Variants in KCTD8 observed in about 807,000 individuals in gnomAD.
KCTD8 encodes the protein potassium channel tetramerization domain containing 8.
In KCTD8, 27 loss-of-function variants were observed where a neutral mutation model predicts 31.5. The observed-to-expected ratio is 0.86, with a 90% CI of 0.63 to 1.18. The LOEUF (loss-of-function observed/expected upper bound fraction) is 1.18, where lower values mean the gene tolerates loss of function less well. KCTD8 is among the 50% of genes most tolerant of loss of function. The probability of loss-of-function intolerance (pLI) is 0.00; values close to 1 mark genes in which losing one functional copy is unlikely to be tolerated. For synonymous variants in KCTD8, 290 were observed against 280.0 expected (o/e 1.04, Z -0.36); for missense variants, 658 against 647.7 (o/e 1.02, Z -0.17).
At chr4:44,385,503 AAAAG>A (rs1272283177) in intron 1 of KCTD8, among the ~76,000 whole-genome samples, 1 of 151,724 alleles carries the variant, frequency 6.6e-6, no homozygotes, top group Non-Finnish European at 1.5e-5. Flanking sequence ...ATCTATATAT[AAAAG>A]AAAGAGTTTG....
intron 1 of KCTD8, among the ~76,000 whole-genome samples, 162 bp from the exon 2 acceptor site, chr4:44,175,412 G>A (rs1015724812): frequency 6.6e-6 from 1 of 152,114 alleles, no homozygotes; most frequent in African/African-American, 2.4e-5. Flanking sequence ...TTAAATACAA[G>A]ACCTAGGGTC....
intron 1 of KCTD8, among the ~76,000 whole-genome samples, chr4:44,183,738 C>T (rs1298456506): frequency 6.6e-6 from 1 of 151,982 alleles, no homozygotes; most frequent in Non-Finnish European, 1.5e-5. Context: ...TCTATGTACA[C>T]AGCTGCACAT....
intron 1 of KCTD8, among the ~76,000 whole-genome samples, chr4:44,384,255 A>C (rs1720150600): frequency 6.6e-6 from 1 of 151,854 alleles, no homozygotes; most frequent in South Asian, 2.1e-4. Context: ...AACAGTAGGG[A>C]AGTTCCTCAA....
intron 1 of KCTD8, among the ~76,000 whole-genome samples, chr4:44,386,647 G>A (rs1007229505): frequency 2.0e-5 from 3 of 151,496 alleles, no homozygotes; most frequent in Admixed American, 6.6e-5. Flanking sequence ...CACTGTTGGC[G>A]GGAATGTAAG....
intron 1 of KCTD8, among the ~76,000 whole-genome samples, chr4:44,314,442 G>A (rs1356483997): frequency 3.3e-5 from 5 of 152,200 alleles, no homozygotes; most frequent in South Asian, 4.1e-4. Context: ...GAGGGGAAAC[G>A]CAGTATCATA....
intron 1 of KCTD8, among the ~76,000 whole-genome samples, chr4:44,266,002 A>G (rs1716342369): frequency 6.6e-6 from 1 of 152,180 alleles, no homozygotes; most frequent in Non-Finnish European, 1.5e-5. Flanking sequence ...TCTCCAATCT[A>G]GCAAGGCAGG....
chr4:44,222,008 CA>C (rs1714822310), intron 1 of KCTD8, among the ~76,000 whole-genome samples: 1 of 152,100 alleles, frequency 6.6e-6, no homozygotes, highest in Non-Finnish European at 1.5e-5. Context: ...ACAATAAAAT[CA>C]ATAACCATGT....
intron 1 of KCTD8, among the ~76,000 whole-genome samples, chr4:44,325,973 A>G (rs1439933785): frequency 1.3e-5 from 2 of 152,034 alleles, no homozygotes; most frequent in Non-Finnish European, 2.9e-5. Context: ...TTCTTGAGAC[A>G]GACTTTCTGA....
At chr4:44,176,339 T>C (rs1713214310) in intron 1 of KCTD8, among the ~76,000 whole-genome samples, 2 of 152,176 alleles carry the variant, frequency 1.3e-5, no homozygotes, top group South Asian at 4.1e-4. Flanking sequence ...TGGAATCACC[T>C]ACAAAGCTTC....
At chr4:44,199,550 TAA>T (rs536395337) in intron 1 of KCTD8, among the ~76,000 whole-genome samples, 3 of 152,216 alleles carry the variant, frequency 2.0e-5, no homozygotes, top group Non-Finnish European at 4.4e-5. Context: ...TGCTCCAGAA[TAA>T]CTCTTGGGTG....
At chr4:44,275,469 T>C (rs538163388) in intron 1 of KCTD8, among the ~76,000 whole-genome samples, 8 of 151,916 alleles carry the variant, frequency 5.3e-5, no homozygotes, top group Non-Finnish European at 1.0e-4. Flanking sequence ...GAAACAGAAG[T>C]GATCAAAAGT....
chr4:44,180,817 T>C (rs1480551319), intron 1 of KCTD8, among the ~76,000 whole-genome samples: 1 of 152,210 alleles, frequency 6.6e-6, no homozygotes, highest in Non-Finnish European at 1.5e-5. Flanking sequence ...GAGTCTGTAA[T>C]TCTAAATGAT....
intron 1 of KCTD8, among the ~76,000 whole-genome samples, chr4:44,427,325 A>G (rs16851526): frequency 0.13 from 19,898 of 151,390 alleles, 2,635 homozygotes; most frequent in African/African-American, 0.33. Context: ...AAATTATAAG[A>G]AGTCTAAGAA....
chr4:44,338,701 T>C (rs1718818538), intron 1 of KCTD8, among the ~76,000 whole-genome samples: 2 of 152,174 alleles, frequency 1.3e-5, no homozygotes, highest in Non-Finnish European at 2.9e-5. Context: ...TTCTGAAATT[T>C]GTGATAAATA....
At position 44,320,170 on chromosome 4, in the gene KCTD8, C is replaced by CAAAAA. The variant is rs35250421; in HGVS notation, c.961+127388_961+127392dup. On this transcript the variant is annotated intron_variant, in intron 1 of 1. Transcript: ENST00000360029. ...TGGGTGACAGAGCAAGCCTCCATCT[C>CAAAAA]AAAAAAAAAAAAAAAAAAAAAAAAA... 7.9e-3 allele frequency among the ~76,000 whole-genome samples: 251 copies of CAAAAA among 31,894 alleles called. 28 individuals carry two copies. The highest frequency in any genetic ancestry group is 0.017 in the East Asian group (22 of 1,280). 20.9% of individuals were successfully genotyped at this position (31,894 alleles called of 152,430 possible).
intron 1 of KCTD8, among the ~76,000 whole-genome samples, chr4:44,307,082 A>T (rs530998501): frequency 6.6e-6 from 1 of 152,136 alleles, no homozygotes; most frequent in African/African-American, 2.4e-5. Context: ...AGAGTAATAA[A>T]GGAGCAGAAT....
intron 1 of KCTD8, among the ~76,000 whole-genome samples, chr4:44,383,138 A>T (rs1027264973): frequency 6.6e-6 from 1 of 151,928 alleles, no homozygotes. Context: ...CTGCAAAAAA[A>T]CCTATAAAAC....
rs1490974095 is a variant in KCTD8, at chr4:44,387,587, C to A, written c.961+59976G>T. Among the ~76,000 whole-genome samples the A allele has an allele frequency of 3.3e-5, 5 of 152,038 alleles. No individual in the cohort carries two copies. The East Asian group carries it at 9.7e-4, about 29-fold the overall frequency. ...GACCACACACCTGTAACTATTTGAT[C>A]TTTGACAAACCTGACAAAAACAAGC... On this transcript the variant is annotated intron_variant, in intron 1 of 1. Coordinates refer to ENST00000360029, the MANE Select transcript of KCTD8 (RefSeq NM_198353.3).
At chr4:44,335,291 TCA>T (rs1186089379) in intron 1 of KCTD8, among the ~76,000 whole-genome samples, 1 of 152,030 alleles carries the variant, frequency 6.6e-6, no homozygotes, top group African/African-American at 2.4e-5. Flanking sequence ...CGGGAGATAT[TCA>T]GTTGTTATTA....
Sources: gnomAD v4.1 joint callset for allele counts (sites outside exome capture counted in the v4.1 genomes callset) on GRCh38, gnomAD v4.1.1 for gene constraint, MANE v1.5 for transcripts, NCBI Gene and HGNC (gene_info 2026-07-23, HGNC 2026-07-21) for gene names.